Variants in ARL15 observed in about 807,000 individuals in gnomAD.
ARL15 encodes the protein ARF like GTPase 15.
In ARL15, 19 loss-of-function variants were observed where a neutral mutation model predicts 25.2. The ratio of observed to expected loss-of-function variants is 0.75; its 90% CI spans 0.53 to 1.10. The LOEUF is 1.10. Among genes scored for constraint, ARL15 ranks in the 50% least tolerant of loss-of-function variants. ARL15 has a pLI of 0.00. For missense variants in ARL15, 220 were observed against 246.0 expected, an observed-to-expected ratio of 0.89 and a Z score of 0.71; for synonymous variants, 94 against 86.8, an observed-to-expected ratio of 1.08 and a Z score of -0.46.
At chr5:54,161,188 A>T (rs1484919205) in intron 2 of ARL15, among the ~76,000 whole-genome samples, 1 of 152,166 alleles carries the variant, frequency 6.6e-6, no homozygotes. Flanking sequence ...GTTGTATGGC[A>T]TTTAAACTAC....
chr5:53,984,472 C>T (rs576291072), intron 4 of ARL15, among the ~76,000 whole-genome samples: 11 of 152,170 alleles, frequency 7.2e-5, no homozygotes, highest in Admixed American at 3.3e-4. Context: ...TTCAGTTCCA[C>T]GGGCTTGAGA....
rs750658387 is a variant in ARL15, at chr5:54,154,583, C to G, written c.250G>C (p.Gly84Arg). 2.0e-6 allele frequency: 3 copies of G among 1,523,878 alleles called. No individual in the cohort carries two copies. Among genetic ancestry groups the G allele is most frequent in the South Asian group, 2.6e-5 (2 of 78,396 alleles). The allele number at this position is 1,523,878 out of a possible 1,614,324, so 94.4% of individuals were successfully genotyped here. A position where few individuals can be genotyped will look rare whatever the true frequency, so the allele number is the denominator to read the frequency against. Residue 84 changes from glycine to arginine, a missense_variant, in exon 3 of 5, where the codon GGA becomes CGA. By Grantham distance (125) the Gly-to-Arg change is moderately radical. Transcript: ENST00000504924. ...GAAATGATTTGAAATGTTATACCTC[C>G]AAGTTCTTTTACATTCAAGATGGCA... Reference protein sequence around the residue: ...QNAILNVKELGGADNIRKYWS... With the variant: ...QNAILNVKELRGADNIRKYWS...
chr5:53,935,418 A>G (rs538566903), intron 4 of ARL15, among the ~76,000 whole-genome samples: 2 of 152,340 alleles, frequency 1.3e-5, no homozygotes, highest in East Asian at 1.9e-4. Context: ...ACTAAAGCAT[A>G]TAATAGCAAG....
At chr5:53,947,692 C>G (rs1360565361) in intron 4 of ARL15, among the ~76,000 whole-genome samples, 1 of 152,168 alleles carries the variant, frequency 6.6e-6, no homozygotes, top group African/African-American at 2.4e-5. Flanking sequence ...AGCTCTGGGA[C>G]TAGACCCCGA....
chr5:54,125,075 G>GTTTTTTTTTTTTTTTTTTTTTTTTT (rs774608441), intron 3 of ARL15, among the ~76,000 whole-genome samples: 1 of 134,968 alleles, frequency 7.4e-6, no homozygotes, highest in African/African-American at 2.9e-5. Flanking sequence ...TTTTTGTTTT[G>GTTTTTTTTTTTTTTTTTTTTTTTTT]TTTTGTTTTG....
At chr5:53,944,823 G>A (rs1746671137) in intron 4 of ARL15, among the ~76,000 whole-genome samples, 1 of 152,154 alleles carries the variant, frequency 6.6e-6, no homozygotes, top group South Asian at 2.1e-4. Context: ...CTAGCAAAGT[G>A]TCTGGCACAT....
intron 4 of ARL15, among the ~76,000 whole-genome samples, chr5:53,978,199 A>C (rs1332957967): frequency 6.6e-6 from 1 of 152,204 alleles, no homozygotes; most frequent in Non-Finnish European, 1.5e-5. Flanking sequence ...ACAATGCTTT[A>C]AGTCACTGCC....
chr5:53,958,156 G>A (rs757586363), intron 4 of ARL15, among the ~76,000 whole-genome samples: 1 of 151,134 alleles, frequency 6.6e-6, no homozygotes, highest in African/African-American at 2.4e-5. Context: ...GTTGCAGTGA[G>A]TGAAGATTGT....
rs113335251 is a variant in ARL15 at position 54,258,525 on chromosome 5, C to T, written c.48+51907G>A. ...AAGAACTACACTCTAAGAGAGTCCACCTTCTCTTGAAAGGAAGTCCTAGAT... is the reference window on the plus strand; with the variant it reads ...AAGAACTACACTCTAAGAGAGTCCATCTTCTCTTGAAAGGAAGTCCTAGAT... On this transcript the variant is annotated intron_variant, in intron 1 of 4. Transcript: ENST00000504924. Among the ~76,000 whole-genome samples, 309 of 152,308 alleles carry T rather than the reference C, an allele frequency of 2.0e-3. 1 individual carries two copies. In the Middle Eastern group the frequency reaches 0.037, roughly 18 times the overall value.
intron 1 of ARL15, chr5:54,282,541 G>A (rs2112670836): frequency 2.0e-6 from 2 of 985,398 alleles, no homozygotes; most frequent in South Asian, 4.7e-5. Context: ...TCTTGGGACT[G>A]TAAGGCAGAT....
intron 4 of ARL15, among the ~76,000 whole-genome samples, chr5:53,924,037 G>A (rs2112027036): frequency 6.6e-6 from 1 of 152,308 alleles, no homozygotes; most frequent in Non-Finnish European, 1.5e-5. Flanking sequence ...AATGAGACAT[G>A]ACTATAAGTT....
rs542200322 is a variant in ARL15 at position 54,095,430 on chromosome 5, C to T, written c.462+17772G>A. ...AAAGACCCTTTTCTACTGTCCTTTTCCCTTCTCATCTCTTGTTTGTTAAAC... is the reference window on the plus strand; with the variant it reads ...AAAGACCCTTTTCTACTGTCCTTTTTCCTTCTCATCTCTTGTTTGTTAAAC... On this transcript the variant is annotated intron_variant, in intron 4 of 4. Transcript: ENST00000504924. Among the ~76,000 whole-genome samples, 7 of 152,198 alleles carry T rather than the reference C, an allele frequency of 4.6e-5. No individual in the cohort carries two copies. In the East Asian group the frequency reaches 7.7e-4, roughly 17 times the overall value.
At chr5:54,085,580 A>G (rs1382174773) in intron 4 of ARL15, among the ~76,000 whole-genome samples, 3 of 152,210 alleles carry the variant, frequency 2.0e-5, no homozygotes, top group African/African-American at 7.2e-5. Context: ...TTTCCCCACA[A>G]ATATTTTTAT....
At chr5:54,268,979 C>T (rs1364998429) in intron 1 of ARL15, among the ~76,000 whole-genome samples, 1 of 151,842 alleles carries the variant, frequency 6.6e-6, no homozygotes, top group Non-Finnish European at 1.5e-5. Flanking sequence ...GAACAAAAAA[C>T]CAAACACCGC....
intron 1 of ARL15, among the ~76,000 whole-genome samples, chr5:54,172,391 T>C (rs1485309849): frequency 1.3e-5 from 2 of 151,978 alleles, no homozygotes; most frequent in Admixed American, 6.6e-5. Context: ...AAATGCAATA[T>C]ATCTTGGACT....
intron 4 of ARL15, among the ~76,000 whole-genome samples, chr5:53,978,963 G>T (rs1322069699): frequency 2.0e-5 from 3 of 152,166 alleles, no homozygotes; most frequent in African/African-American, 7.2e-5. Context: ...GTTCAAATTT[G>T]TAAGGGTAGA....
chr5:54,034,671 G>T (rs1044395643), intron 4 of ARL15, among the ~76,000 whole-genome samples: 2 of 151,622 alleles, frequency 1.3e-5, no homozygotes, highest in Non-Finnish European at 2.9e-5. Context: ...CAAAAAAAAA[G>T]ACAGAGAGAC....
intron 4 of ARL15, among the ~76,000 whole-genome samples, chr5:54,020,954 C>G (rs534605076): frequency 6.7e-6 from 1 of 150,068 alleles, no homozygotes; most frequent in East Asian, 2.0e-4. Context: ...AACTCCGTCT[C>G]AAAAAAAAGA....
intron 4 of ARL15, among the ~76,000 whole-genome samples, chr5:53,960,250 T>G (rs1218687081): frequency 6.6e-6 from 1 of 152,198 alleles, no homozygotes; most frequent in Non-Finnish European, 1.5e-5. Flanking sequence ...GATAAACATT[T>G]CCTGGTGCAT....
Sources: gnomAD v4.1 joint callset for allele counts (sites outside exome capture counted in the v4.1 genomes callset) on GRCh38, gnomAD v4.1.1 for gene constraint, MANE v1.5 for transcripts, NCBI Gene and HGNC (gene_info 2026-07-23, HGNC 2026-07-21) for gene names.